The following KREMEN1 variants were observed in gnomAD, a reference collection of about 807,000 sequenced individuals.
The protein encoded by KREMEN1 is kremen protein 1.
A neutral mutation model predicts 46.5 loss-of-function variants in KREMEN1; 30 were observed. The ratio of observed to expected loss-of-function variants is 0.65; its 90% CI spans 0.48 to 0.88. The LOEUF (loss-of-function observed/expected upper bound fraction) is 0.88. Among genes scored for constraint, KREMEN1 ranks in the 40% least tolerant of loss-of-function variants. The pLI, the probability that KREMEN1 is intolerant of heterozygous loss-of-function variation, is 0.00. For missense variants in KREMEN1, 533 were observed against 596.9 expected, an observed-to-expected ratio of 0.89 and a Z score of 1.11; for synonymous variants, 214 against 230.6, an observed-to-expected ratio of 0.93 and a Z score of 0.65.
At chr22:29,125,504 G>A in intron 5 of KREMEN1, 88 bp downstream of exon 5, 2 of 1,311,016 alleles carry the variant, frequency 1.5e-6, no homozygotes, top group South Asian at 2.7e-5. Flanking sequence ...TCCCTTCTAT[G>A]TATTCATTCA....
Position 29,161,471 on chromosome 22 carries a change from C to T in KREMEN1, c.1417-5573C>T, listed in dbSNP as rs189499652. ...GCAGTGAGCTGAGATTGCGCCACTGCACTCCAGCCTGGGTGACAGAGTGAG... is the reference window on the plus strand; with the variant it reads ...GCAGTGAGCTGAGATTGCGCCACTGTACTCCAGCCTGGGTGACAGAGTGAG... On this transcript the variant is annotated intron_variant, in intron 9 of 9. Coordinates refer to the KREMEN1 transcript ENST00000327813. 5.4e-4 allele frequency among the ~76,000 whole-genome samples: 70 copies of T among 129,380 alleles called. 1 individual carries two copies. In the East Asian group the frequency reaches 0.012, roughly 21 times the overall value. 84.9% of individuals were successfully genotyped at this position (129,380 alleles called of 152,430 possible). A position where few individuals can be genotyped will look rare whatever the true frequency, so the allele number is the denominator to read the frequency against.
chr22:29,148,740 C>G (rs920687356), downstream of KREMEN1, among the ~76,000 whole-genome samples: 35 of 152,130 alleles, frequency 2.3e-4, no homozygotes, highest in African/African-American at 8.2e-4. Flanking sequence ...CAGGTGTGAG[C>G]CACCGCGCCT....
At chr22:29,098,044 G>A (rs2037909609) in intron 2 of KREMEN1, among the ~76,000 whole-genome samples, 1 of 152,090 alleles carries the variant, frequency 6.6e-6, no homozygotes, top group African/African-American at 2.4e-5. Context: ...GTCAGGCATG[G>A]CGGCGGGCAC....
intron 1 of KREMEN1, among the ~76,000 whole-genome samples, chr22:29,077,439 T>C (rs1361010580): frequency 6.6e-6 from 1 of 152,208 alleles, no homozygotes; most frequent in Non-Finnish European, 1.5e-5. Context: ...AACCTCCGCT[T>C]CCCGGGTTCT....
chr22:29,162,155 G>A (rs940787399), intron 9 of KREMEN1, among the ~76,000 whole-genome samples: 8 of 151,940 alleles, frequency 5.3e-5, no homozygotes, highest in African/African-American at 1.7e-4. Context: ...GATCAAGTAG[G>A]TTTCATTCCT....
intron 1 of KREMEN1, among the ~76,000 whole-genome samples, chr22:29,083,569 C>T (rs751003315): frequency 3.5e-4 from 54 of 152,210 alleles, no homozygotes; most frequent in African/African-American, 1.7e-4. Context: ...CAGTGGCTCA[C>T]GCCTGTAATC....
At chr22:29,157,967 A>G (rs132294) in intron 9 of KREMEN1, among the ~76,000 whole-genome samples, 141,088 of 152,296 alleles carry the variant, frequency 0.93, 65,421 homozygotes, top group East Asian at 1. Context: ...TACAGGTCAC[A>G]TGGTCTCACC....
chr22:29,137,268 A>T, intron 5 of KREMEN1, 74 bp from the exon 6 acceptor site: 1 of 1,041,400 alleles, frequency 9.6e-7, no homozygotes, highest in Non-Finnish European at 1.3e-6. Flanking sequence ...GGAAGGCTTT[A>T]GTGCCTTGGT....
chr22:29,088,504 A>G (rs1231136148), intron 1 of KREMEN1, among the ~76,000 whole-genome samples: 1 of 151,920 alleles, frequency 6.6e-6, no homozygotes, highest in Non-Finnish European at 1.5e-5. Context: ...AATTTTTTGT[A>G]TTTTTGGTAG....
At chr22:29,127,795 G>A (rs1331490430) in intron 5 of KREMEN1, among the ~76,000 whole-genome samples, 1 of 152,130 alleles carries the variant, frequency 6.6e-6, no homozygotes, top group Non-Finnish European at 1.5e-5. Flanking sequence ...AATGTTCCTA[G>A]CAACATTATT....
At chr22:29,095,813 AT>A (rs1569316614) in intron 2 of KREMEN1, among the ~76,000 whole-genome samples, 3 of 151,272 alleles carry the variant, frequency 2.0e-5, no homozygotes, top group Admixed American at 1.3e-4. Flanking sequence ...TCAACTGACC[AT>A]TCCCTCCTAG....
At chr22:29,119,090 G>A (rs1392422654) in intron 3 of KREMEN1, among the ~76,000 whole-genome samples, 4 of 152,178 alleles carry the variant, frequency 2.6e-5, no homozygotes, top group Non-Finnish European at 4.4e-5. Context: ...GCTCACACCT[G>A]TAATCCCAGC....
At chr22:29,152,380 G>A (rs1235471966) in intron 9 of KREMEN1, among the ~76,000 whole-genome samples, 1 of 152,184 alleles carries the variant, frequency 6.6e-6, no homozygotes, top group African/African-American at 2.4e-5. Context: ...GCCACCCTCA[G>A]CAATTCCTTG....
At chr22:29,131,560 A>ATATATATATATATATGTGTGTGTG in intron 5 of KREMEN1, among the ~76,000 whole-genome samples, 1 of 69,942 alleles carries the variant, frequency 1.4e-5, no homozygotes, top group African/African-American at 8.3e-5. Flanking sequence ...ATATATATAT[A>ATATATATATATATATGTGTGTGTG]TGTGTGTGTG....
At chr22:29,077,373 G>A (rs997851589) in intron 1 of KREMEN1, among the ~76,000 whole-genome samples, 3 of 152,044 alleles carry the variant, frequency 2.0e-5, no homozygotes, top group Non-Finnish European at 2.9e-5. Context: ...TTAAAGAGAC[G>A]GAGTCTCACT....
intron 7 of KREMEN1, among the ~76,000 whole-genome samples, chr22:29,140,031 A>G (rs562246769): frequency 6.6e-6 from 1 of 152,326 alleles, no homozygotes; most frequent in South Asian, 2.1e-4. Flanking sequence ...TCTGAGTCCA[A>G]TAGACTTTGG....
At chr22:29,134,493 C>T (rs2038625645) in intron 5 of KREMEN1, among the ~76,000 whole-genome samples, 2 of 152,188 alleles carry the variant, frequency 1.3e-5, no homozygotes, top group Admixed American at 6.5e-5. Context: ...CATGTAGTCT[C>T]TGTCTGATCG....
chr22:29,137,143 G>C (rs2038672584), intron 5 of KREMEN1, among the ~76,000 whole-genome samples, 199 bp from the exon 6 acceptor site: 1 of 152,290 alleles, frequency 6.6e-6, no homozygotes, highest in East Asian at 1.9e-4. Flanking sequence ...TAATTCTAAG[G>C]TCTCTGGGGG....
At chr22:29,141,232 T>TGC (rs1230080980) in intron 8 of KREMEN1, among the ~76,000 whole-genome samples, 1 of 143,532 alleles carries the variant, frequency 7.0e-6, no homozygotes, top group East Asian at 1.9e-4. Context: ...TCCTCGTGTG[T>TGC]GTGTGTGTGT....
Sources: gnomAD v4.1 joint callset for allele counts (sites outside exome capture counted in the v4.1 genomes callset) on GRCh38, gnomAD v4.1.1 for gene constraint, MANE v1.5 for transcripts, NCBI Gene and HGNC (gene_info 2026-07-23, HGNC 2026-07-21) for gene names.